USP39: variants seen among roughly 807,000 people sequenced by gnomAD.
USP39 encodes ubiquitin specific peptidase 39.
USP39 carries 38 observed loss-of-function variants against 66.4 expected under a neutral mutation model. The observed-to-expected ratio is 0.57, with a 90% CI of 0.44 to 0.75. USP39 has a LOEUF of 0.75. Among genes scored for constraint, USP39 ranks in the 30% least tolerant of loss-of-function variants. The pLI, the probability that USP39 is intolerant of heterozygous loss-of-function variation, is 0.00. For missense variants in USP39, 608 were observed against 714.4 expected (o/e 0.85, Z 1.70); for synonymous variants, 303 against 274.6 (o/e 1.10, Z -1.02).
chr2:85,635,218 G>A (rs192372982), intron 6 of USP39, among the ~76,000 whole-genome samples: 40 of 152,308 alleles, frequency 2.6e-4, no homozygotes, highest in East Asian at 7.7e-4. Context: ...TTTTAATTGC[G>A]TGAGCAAAGA....
intron 8 of USP39, 100 bp from the exon 9 acceptor site, chr2:85,639,103 T>G: frequency 8.0e-7 from 1 of 1,250,430 alleles, no homozygotes; most frequent in Non-Finnish European, 1.1e-6. Context: ...TCTTTGTTCT[T>G]TCAGATGAAG....
At chr2:85,612,294 AG>A, upstream of USP39, 1 of 1,535,418 alleles carries the variant, frequency 6.5e-7, no homozygotes, top group Middle Eastern at 1.7e-4. Context: ...CAGAACCTTC[AG>A]AAAAATGCAA....
upstream of USP39, chr2:85,611,504 T>C (rs1673523955): frequency 2.6e-6 from 4 of 1,550,788 alleles, no homozygotes; most frequent in African/African-American, 4.1e-5. Flanking sequence ...CAGTTCTTGG[T>C]GAGAATCATT....
upstream of USP39, chr2:85,607,284 AG>A (rs547393056): frequency 1.3e-5 from 2 of 152,256 alleles, no homozygotes; most frequent in Non-Finnish European, 2.9e-5. Context: ...TTCTCTGACC[AG>A]GAAGAACAGG....
Sources: gnomAD v4.1 joint callset for allele counts (sites outside exome capture counted in the v4.1 genomes callset) on GRCh38, gnomAD v4.1.1 for gene constraint, MANE v1.5 for transcripts, NCBI Gene and HGNC (gene_info 2026-07-23, HGNC 2026-07-21) for gene names.